Variants in TCF7L2 observed in about 807,000 individuals in gnomAD.
The protein encoded by TCF7L2 is transcription factor 7 like 2, also known as transcription factor 7-like 2.
Under a neutral mutation model 77.9 loss-of-function variants are expected in TCF7L2, and 23 were observed. The ratio of observed to expected loss-of-function variants is 0.30; its 90% CI spans 0.21 to 0.42. The LOEUF is 0.42. TCF7L2 is among the 10% of genes least tolerant of loss of function. TCF7L2 has a pLI of 1.00. For synonymous variants in TCF7L2, 413 were observed against 340.2 expected (o/e 1.21, Z -2.36); for missense variants, 654 against 793.1 (o/e 0.82, Z 2.11).
At chr10:113,138,100 G>C (rs1280139948) in intron 5 of TCF7L2, among the ~76,000 whole-genome samples, 1 of 152,206 alleles carries the variant, frequency 6.6e-6, no homozygotes, top group Non-Finnish European at 1.5e-5. Context: ...GAACCCATGA[G>C]CTTGGACAGA....
At chr10:113,113,334 T>G (rs2063352638) in intron 5 of TCF7L2, among the ~76,000 whole-genome samples, 3 of 152,168 alleles carry the variant, frequency 2.0e-5, no homozygotes, top group Non-Finnish European at 4.4e-5. Context: ...AACTTATAAC[T>G]TACCAAAGCA....
rs975224626 is a variant in TCF7L2 at position 113,166,553 on chromosome 10, T to C, written c.*581T>C. The C allele has an allele frequency of 3.6e-5, 8 of 225,196 alleles. No homozygotes were observed. Among genetic ancestry groups the C allele is most frequent in the Non-Finnish European group, 6.2e-5 (7 of 113,208 alleles). The allele number at this position is 225,196 out of a possible 1,614,324, so 13.9% of individuals were successfully genotyped here. ...GGTAAAAATGTGTTAATATACCTTGTTCCATGGTGTTGTTCTTTTGGGGGG... is the reference window on the plus strand; with the variant it reads ...GGTAAAAATGTGTTAATATACCTTGCTCCATGGTGTTGTTCTTTTGGGGGG... On this transcript the variant is annotated 3_prime_UTR_variant, in exon 14 of 14. Transcript: ENST00000627217.
intron 4 of TCF7L2, among the ~76,000 whole-genome samples, chr10:112,965,662 T>C (rs2036599242): frequency 7.0e-6 from 1 of 142,172 alleles, no homozygotes; most frequent in Non-Finnish European, 1.5e-5. Context: ...TGTGTGTGTG[T>C]GTGTGTGTGT....
At chr10:113,142,242 G>A (rs913272505) in intron 6 of TCF7L2, among the ~76,000 whole-genome samples, 1 of 152,048 alleles carries the variant, frequency 6.6e-6, no homozygotes, top group Admixed American at 6.6e-5. Flanking sequence ...TGACCACCTC[G>A]GCCTCCCAAA....
chr10:112,980,009 A>G (rs187595542), intron 4 of TCF7L2, among the ~76,000 whole-genome samples: 51 of 152,358 alleles, frequency 3.3e-4, no homozygotes, highest in African/African-American at 1.2e-3. Context: ...CTTGGAAGAA[A>G]CATATCAGGA....
At chr10:113,069,673 C>T (rs1188933833) in intron 5 of TCF7L2, among the ~76,000 whole-genome samples, 1 of 152,150 alleles carries the variant, frequency 6.6e-6, no homozygotes, top group South Asian at 2.1e-4. Flanking sequence ...ACTAGTCTGG[C>T]CTTCTGCCCA....
At chr10:112,974,445 T>TTTTTTG (rs1420084537) in intron 4 of TCF7L2, among the ~76,000 whole-genome samples, 1 of 152,116 alleles carries the variant, frequency 6.6e-6, no homozygotes, top group Non-Finnish European at 1.5e-5. Context: ...TATTTTCTTT[T>TTTTTTG]TTTTTGTTTT....
intron 5 of TCF7L2, among the ~76,000 whole-genome samples, chr10:113,040,707 GA>G (rs1376213284): frequency 6.6e-6 from 1 of 152,218 alleles, no homozygotes; most frequent in East Asian, 1.9e-4. Context: ...GTTTGATAGA[GA>G]AAGCATTTGT....
intron 5 of TCF7L2, among the ~76,000 whole-genome samples, chr10:113,055,707 T>G (rs72826101): frequency 0.048 from 7,264 of 152,270 alleles, 263 homozygotes; most frequent in Middle Eastern, 0.16. Context: ...GCCTCCTGAA[T>G]AGGTGGGACC....
intron 13 of TCF7L2, among the ~76,000 whole-genome samples, chr10:113,162,101 G>T (rs1436575491): frequency 6.6e-6 from 1 of 152,222 alleles, no homozygotes; most frequent in Non-Finnish European, 1.5e-5. Flanking sequence ...ACTCTGTTAA[G>T]CAGTGAATTT....
chr10:113,063,075 TG>T (rs1483482007), intron 5 of TCF7L2, among the ~76,000 whole-genome samples: 1 of 152,214 alleles, frequency 6.6e-6, no homozygotes, highest in African/African-American at 2.4e-5. Flanking sequence ...CTACTTTTAC[TG>T]GAGTGCTTGC....
chr10:113,154,982 ATTT>A (rs59885014), intron 11 of TCF7L2, among the ~76,000 whole-genome samples: 46 of 143,988 alleles, frequency 3.2e-4, no homozygotes, highest in Admixed American at 2.7e-4. Flanking sequence ...CTTAACTAGT[ATTT>A]TTTTTTTTTT....
At position 113,068,157 on chromosome 10, in the gene TCF7L2, G is replaced by A. The variant is rs868021518; in HGVS notation, c.552+28031G>A. 5.3e-5 allele frequency among the ~76,000 whole-genome samples: 8 copies of A among 152,166 alleles called. No individual in the cohort carries two copies. The South Asian group carries it at 6.2e-4, about 12-fold the overall frequency. ...AGTCCTAGGAGGCCATTGATCACAC[G>A]TGAAAACACTCTAGATATAACTCTC... On this transcript the variant is annotated intron_variant, in intron 5 of 13. Transcript: ENST00000627217.
intron 5 of TCF7L2, among the ~76,000 whole-genome samples, chr10:113,104,847 T>G (rs2135967606): frequency 6.6e-6 from 1 of 152,276 alleles, no homozygotes; most frequent in East Asian, 1.9e-4. Context: ...TACCATCCCA[T>G]TAGCTTGGTA....
intron 3 of TCF7L2, among the ~76,000 whole-genome samples, chr10:112,958,446 T>G (rs2034240814): frequency 6.6e-6 from 1 of 152,076 alleles, no homozygotes; most frequent in Non-Finnish European, 1.5e-5. Context: ...GGAGTCCCTC[T>G]CTTGCAGTCT....
At chr10:112,966,297 C>T (rs2036891715) in intron 4 of TCF7L2, among the ~76,000 whole-genome samples, 1 of 150,688 alleles carries the variant, frequency 6.6e-6, no homozygotes, top group South Asian at 2.1e-4. Context: ...TGATTTTACC[C>T]TTCTCCACTC....
At chr10:113,024,988 G>A (rs2048895005) in intron 4 of TCF7L2, among the ~76,000 whole-genome samples, 1 of 152,088 alleles carries the variant, frequency 6.6e-6, no homozygotes, top group East Asian at 1.9e-4. Context: ...AGTTTTGACT[G>A]CATTTTGACT....
At chr10:113,158,710 G>A (rs1300582692) in intron 12 of TCF7L2, 10 of 1,613,744 alleles carry the variant, frequency 6.2e-6, no homozygotes, top group East Asian at 2.2e-5. Context: ...CACTTCCTCC[G>A]ATTACAGGTG....
chr10:112,987,285 T>C (rs1409435120), intron 4 of TCF7L2, among the ~76,000 whole-genome samples: 2 of 152,188 alleles, frequency 1.3e-5, no homozygotes, highest in Non-Finnish European at 2.9e-5. Flanking sequence ...TAAATCTCAG[T>C]TTCCTTGTCT....
Sources: gnomAD v4.1 joint callset for allele counts (sites outside exome capture counted in the v4.1 genomes callset) on GRCh38, gnomAD v4.1.1 for gene constraint, MANE v1.5 for transcripts, NCBI Gene and HGNC (gene_info 2026-07-23, HGNC 2026-07-21) for gene names.